The following PAX2 variants were observed in gnomAD, a reference collection of about 807,000 sequenced individuals.
PAX2 encodes the protein paired box 2.
PAX2 carries 9 observed loss-of-function variants against 41.7 expected under a neutral mutation model. The ratio of observed to expected loss-of-function variants is 0.22; its 90% CI spans 0.13 to 0.38. The LOEUF (loss-of-function observed/expected upper bound fraction) is 0.38. Among genes scored for constraint, PAX2 ranks in the 10% least tolerant of loss-of-function variants. The pLI is 1.00. For missense variants in PAX2, 418 were observed against 531.6 expected (o/e 0.79, Z 2.10); for synonymous variants, 221 against 212.7 (o/e 1.04, Z -0.34).
At chr10:100,820,411 T>C (rs1848339159) in intron 7 of PAX2, among the ~76,000 whole-genome samples, 1 of 152,196 alleles carries the variant, frequency 6.6e-6, no homozygotes, top group Admixed American at 6.5e-5. Flanking sequence ...TGGAAGGCTA[T>C]TCATCTTTAA....
At chr10:100,749,592 G>A (rs1845355821) in intron 1 of PAX2, 154 bp from the exon 2 acceptor site, 1 of 1,427,754 alleles carries the variant, frequency 7.0e-7, no homozygotes, top group Non-Finnish European at 9.2e-7. Context: ...ACTCCTCCGC[G>A]TGGTCGTGGA....
intron 3 of PAX2, among the ~76,000 whole-genome samples, chr10:100,776,490 A>G (rs938738417): frequency 1.3e-5 from 2 of 152,150 alleles, no homozygotes; most frequent in African/African-American, 4.8e-5. Context: ...CTCTGCAATT[A>G]ATTCTCTGAA....
intron 5 of PAX2, among the ~76,000 whole-genome samples, chr10:100,793,362 G>A (rs899031163): frequency 1.3e-5 from 2 of 152,168 alleles, no homozygotes; most frequent in Non-Finnish European, 1.5e-5. Context: ...CTTCCTCCCC[G>A]GGTCTGTCCT....
chr10:100,787,800 G>A (rs761208487), intron 5 of PAX2, among the ~76,000 whole-genome samples: 1 of 152,112 alleles, frequency 6.6e-6, no homozygotes, highest in East Asian at 1.9e-4. Flanking sequence ...GTTTGAGAAA[G>A]GTGTGAGGAG....
chr10:100,798,791 C>A (rs558027892), intron 5 of PAX2, among the ~76,000 whole-genome samples: 16 of 152,328 alleles, frequency 1.1e-4, no homozygotes, highest in Non-Finnish European at 1.9e-4. Context: ...CAGCACCTGA[C>A]CTCTGGGGAG....
intron 3 of PAX2, among the ~76,000 whole-genome samples, chr10:100,773,458 CATATA>C (rs1846280875): frequency 6.6e-6 from 1 of 152,048 alleles, no homozygotes; most frequent in African/African-American, 2.4e-5. Context: ...CATGTATTAT[CATATA>C]ATATAATGCA....
intron 3 of PAX2, among the ~76,000 whole-genome samples, chr10:100,772,876 G>A (rs1217305177): frequency 6.6e-6 from 1 of 152,172 alleles, no homozygotes; most frequent in Admixed American, 6.6e-5. Context: ...AGCAGGAAAG[G>A]ATTTCATGGT....
intron 1 of PAX2, among the ~76,000 whole-genome samples, chr10:100,739,454 G>C (rs1007670463): frequency 6.6e-6 from 1 of 152,198 alleles, no homozygotes; most frequent in Non-Finnish European, 1.5e-5. Flanking sequence ...GGCGCGCCGC[G>C]GATGGATCCG....
At chr10:100,820,692 C>T (rs1227611406) in intron 7 of PAX2, among the ~76,000 whole-genome samples, 1 of 152,166 alleles carries the variant, frequency 6.6e-6, no homozygotes, top group Admixed American at 6.5e-5. Context: ...CCAGCCTGGG[C>T]GATAGAGCGA....
intron 1 of PAX2, among the ~76,000 whole-genome samples, chr10:100,740,275 G>T (rs1029712627): frequency 1.3e-5 from 2 of 152,142 alleles, no homozygotes; most frequent in African/African-American, 2.4e-5. Context: ...GTGGTGGTTG[G>T]GGGGTGGGCA....
chr10:100,771,100 G>A (rs1028935301), intron 3 of PAX2, among the ~76,000 whole-genome samples: 1 of 152,186 alleles, frequency 6.6e-6, no homozygotes, highest in Non-Finnish European at 1.5e-5. Flanking sequence ...TAGTTCAAGG[G>A]CAGTAGTTTG....
rs1564736279 is a variant in PAX2, at chr10:100,805,064, ACACACACAC to A, written c.617-1365_617-1357del. 3.8e-5 allele frequency among the ~76,000 whole-genome samples: 5 copies of A among 132,204 alleles called. No individual in the cohort carries two copies. The East Asian group carries it at 1.1e-3, about 29-fold the overall frequency. The allele number at this position is 132,204 out of a possible 152,430, so 86.7% of individuals were successfully genotyped here. ...CACACACACACACACACACACACAC[ACACACACAC>A]ACTTTCTTTGCTTTCCCACCCCCTC... On this transcript the variant is annotated intron_variant, in intron 5 of 9. Transcript: ENST00000355243.
rs1217767116 is a variant in PAX2 at position 100,781,243 on chromosome 10, C to T, written c.497-3C>T. ...ATGCCATTTCCTCCTTCCTCTCATC[C>T]AGTTCCCAGCACGGCCTCCCCTCCT... On this transcript the variant is annotated splice_polypyrimidine_tract_variant and splice_region_variant and intron_variant, in intron 4 of 9. Transcript: ENST00000355243. The T allele has an allele frequency of 5.6e-6, 9 of 1,613,946 alleles. No homozygotes were observed. Among genetic ancestry groups the T allele is most frequent in the Non-Finnish European group, 6.8e-6 (8 of 1,179,930 alleles).
upstream of PAX2, among the ~76,000 whole-genome samples, chr10:100,741,789 C>T (rs909104708): frequency 6.6e-6 from 1 of 152,396 alleles, no homozygotes; most frequent in Admixed American, 6.5e-5. Context: ...TCCCTTCGGA[C>T]TACTTTTCTC....
At chr10:100,745,414 G>C (rs1452124257), upstream of PAX2, among the ~76,000 whole-genome samples, 7 of 148,044 alleles carry the variant, frequency 4.7e-5, no homozygotes, top group Non-Finnish European at 1.0e-4. Context: ...TGACAGGCTC[G>C]GGGCCCTCCT....
intron 3 of PAX2, among the ~76,000 whole-genome samples, chr10:100,752,422 G>A (rs1415427573): frequency 6.6e-6 from 1 of 152,194 alleles, no homozygotes; most frequent in Non-Finnish European, 1.5e-5. Context: ...TTTGGGCTGA[G>A]GCAAGAGTGG....
intron 3 of PAX2, among the ~76,000 whole-genome samples, chr10:100,759,960 C>T (rs1845777396): frequency 6.6e-6 from 1 of 152,176 alleles, no homozygotes; most frequent in Non-Finnish European, 1.5e-5. Context: ...AGTCTGCAGG[C>T]AGCTTCTGGC....
At position 100,822,101 on chromosome 10, in the gene PAX2, A is replaced by T. The variant is rs1034792314; in HGVS notation, c.920-2547A>T. 2.0e-5 allele frequency among the ~76,000 whole-genome samples: 3 copies of T among 152,212 alleles called. 1 individual carries two copies. The highest frequency in any genetic ancestry group is 6.5e-5 in the Admixed American group (1 of 15,292). On this transcript the variant is annotated intron_variant, in intron 7 of 9. Coordinates refer to ENST00000355243, the MANE Select transcript of PAX2 (RefSeq NM_000278.5). ...GTCAATAAAAGAAAACCCACATCAA[A>T]GCAAACACAAATCCTTTATTCTGTC...
chr10:100,743,883 G>A (rs1478694368), upstream of PAX2, among the ~76,000 whole-genome samples: 1 of 152,316 alleles, frequency 6.6e-6, no homozygotes. Flanking sequence ...ATAGGGGCTG[G>A]GAGGGGCAGG....
Sources: gnomAD v4.1 joint callset for allele counts (sites outside exome capture counted in the v4.1 genomes callset) on GRCh38, gnomAD v4.1.1 for gene constraint, MANE v1.5 for transcripts, NCBI Gene and HGNC (gene_info 2026-07-23, HGNC 2026-07-21) for gene names.